Variants in PTBP2 observed in about 807,000 individuals in gnomAD.
PTBP2 encodes the protein polypyrimidine tract binding protein 2.
In PTBP2, 13 loss-of-function variants were observed where a neutral mutation model predicts 61.4. That is an observed-to-expected ratio of 0.21 (90% CI 0.14 to 0.34). The LOEUF (loss-of-function observed/expected upper bound fraction) is 0.34. Ranked by LOEUF, PTBP2 falls within the 10% of genes least tolerant of loss-of-function variation. The pLI, the probability that PTBP2 is intolerant of heterozygous loss-of-function variation, is 1.00. For missense variants in PTBP2, 405 were observed against 642.6 expected (o/e 0.63, Z 4.00); for synonymous variants, 215 against 218.5 (o/e 0.98, Z 0.14).
intron 2 of PTBP2, among the ~76,000 whole-genome samples, chr1:96,750,382 G>A (rs1654383016): frequency 6.7e-6 from 1 of 148,248 alleles, no homozygotes; most frequent in South Asian, 2.1e-4. Flanking sequence ...GAAACTGGTT[G>A]TATTTTTCTG....
chr1:96,723,188 A>C (rs1405492494), intron 1 of PTBP2, among the ~76,000 whole-genome samples: 1 of 152,160 alleles, frequency 6.6e-6, no homozygotes, highest in Non-Finnish European at 1.5e-5. Flanking sequence ...TTGATGTCAA[A>C]ACTTGCACTA....
At chr1:96,800,154 A>G (rs1035814919) in intron 8 of PTBP2, among the ~76,000 whole-genome samples, 3 of 152,156 alleles carry the variant, frequency 2.0e-5, no homozygotes, top group African/African-American at 7.2e-5. Context: ...ATTGGACATA[A>G]TAGATTATCT....
chr1:96,751,142 A>G, intron 2 of PTBP2: 1 of 420,990 alleles, frequency 2.4e-6, no homozygotes, highest in Non-Finnish European at 4.4e-6. Flanking sequence ...TTTGTAAACA[A>G]TTGAGATAGC....
At chr1:96,775,905 A>G (rs1657982919) in intron 5 of PTBP2, among the ~76,000 whole-genome samples, 1 of 152,062 alleles carries the variant, frequency 6.6e-6, no homozygotes, top group Non-Finnish European at 1.5e-5. Context: ...TAAAAGTATG[A>G]ATAGTATTGA....
downstream of PTBP2, chr1:96,817,605 ACTAC>A (rs1355810585): frequency 2.0e-5 from 3 of 152,084 alleles, no homozygotes; most frequent in Non-Finnish European, 2.9e-5. Flanking sequence ...CAACTATATC[ACTAC>A]CTAACATATT....
intron 2 of PTBP2, among the ~76,000 whole-genome samples, chr1:96,732,920 C>A (rs1651630934): frequency 6.6e-6 from 1 of 151,842 alleles, no homozygotes; most frequent in African/African-American, 2.4e-5. Context: ...TAGAAGACCT[C>A]AATTACAGGT....
chr1:96,791,828 T>TTTTTTTGG (rs367588623), intron 8 of PTBP2, among the ~76,000 whole-genome samples: 1 of 75,724 alleles, frequency 1.3e-5, no homozygotes, highest in Admixed American at 1.3e-4. Flanking sequence ...GAGTTGTGCT[T>TTTTTTTGG]TTTTTTTTTT....
At chr1:96,806,563 A>G (rs1219284589) in intron 10 of PTBP2, 111 bp downstream of exon 10, 1 of 1,250,678 alleles carries the variant, frequency 8.0e-7, no homozygotes, top group South Asian at 1.3e-5. Context: ...ATCTTTTGCT[A>G]TTTTTCTTTG....
chr1:96,763,028 G>A (rs1236843099), intron 3 of PTBP2, among the ~76,000 whole-genome samples: 6 of 151,900 alleles, frequency 3.9e-5, no homozygotes, highest in African/African-American at 9.7e-5. Flanking sequence ...GATGGCGGCC[G>A]GGAAGAGGCG....
At chr1:96,801,482 G>A (rs1186494280) in intron 8 of PTBP2, among the ~76,000 whole-genome samples, 1 of 152,088 alleles carries the variant, frequency 6.6e-6, no homozygotes, top group Admixed American at 6.6e-5. Flanking sequence ...AGTGTATTTT[G>A]CCTCTTTTTA....
chr1:96,737,376 G>A (rs1336452744), intron 2 of PTBP2, among the ~76,000 whole-genome samples: 1 of 152,084 alleles, frequency 6.6e-6, no homozygotes, highest in African/African-American at 2.4e-5. Flanking sequence ...AGATAAGCTT[G>A]CATTTTAAAA....
intron 8 of PTBP2, among the ~76,000 whole-genome samples, chr1:96,792,730 T>C (rs1208431420): frequency 6.6e-6 from 1 of 152,168 alleles, no homozygotes; most frequent in African/African-American, 2.4e-5. Flanking sequence ...CGGGTAGATA[T>C]GTAACATGCA....
chr1:96,804,877 G>A lies in PTBP2; in HGVS notation c.982G>A (p.Gly328Ser). ...TGCTGCAGCTGCTGCTGGCCGAGTGGGTATGCCTGGAGTCTCAGCTGGTGG... is the reference window on the plus strand; with the variant it reads ...TGCTGCAGCTGCTGCTGGCCGAGTGAGTATGCCTGGAGTCTCAGCTGGTGG... ...AAAAAAAGRVGMPGVSAGGNT... is the reference protein window; with the variant it reads ...AAAAAAAGRVSMPGVSAGGNT... Residue 328 changes from glycine (G) to serine (S), a missense_variant, in exon 9 of 14, where the codon GGT becomes AGT. Around this residue, in one of 4 missense-constraint regions of PTBP2, gnomAD observed 342 missense variants for 491.2 expected, o/e 0.70. Transcript: ENST00000674951. 6.2e-7 allele frequency: 1 copy of A among 1,611,700 alleles called. No individual in the cohort carries two copies. Among genetic ancestry groups the A allele is most frequent in the Non-Finnish European group, 8.5e-7 (1 of 1,178,740 alleles).
chr1:96,794,958 C>T (rs12024107), intron 8 of PTBP2, among the ~76,000 whole-genome samples: 40,802 of 151,994 alleles, frequency 0.27, 6,890 homozygotes, highest in African/African-American at 0.49. Context: ...CAGTGTTACC[C>T]AGGGAGTATG....
At chr1:96,754,645 A>G (rs1654955054) in intron 3 of PTBP2, among the ~76,000 whole-genome samples, 1 of 152,194 alleles carries the variant, frequency 6.6e-6, no homozygotes, top group African/African-American at 2.4e-5. Flanking sequence ...TAGCATCATA[A>G]TAACATAAAG....
intron 2 of PTBP2, among the ~76,000 whole-genome samples, chr1:96,725,819 C>T (rs1054950020): frequency 6.6e-6 from 1 of 151,822 alleles, no homozygotes; most frequent in Non-Finnish European, 1.5e-5. Context: ...GTGGGTCACA[C>T]CTGTAATCCC....
intron 8 of PTBP2, among the ~76,000 whole-genome samples, chr1:96,785,743 G>A (rs1659144069): frequency 6.6e-6 from 1 of 151,868 alleles, no homozygotes; most frequent in Non-Finnish European, 1.5e-5. Context: ...TATTGTAGTG[G>A]CCTTTTAAAA....
At chr1:96,808,661 T>C (rs1412952448) in intron 11 of PTBP2, among the ~76,000 whole-genome samples, 1 of 152,202 alleles carries the variant, frequency 6.6e-6, no homozygotes, top group Admixed American at 6.5e-5. Context: ...AGTTTTGACT[T>C]GCTAGTAGGG....
At chr1:96,767,932 C>A (rs114415885) in intron 3 of PTBP2, among the ~76,000 whole-genome samples, 2,909 of 152,168 alleles carry the variant, frequency 0.019, 95 homozygotes, top group African/African-American at 0.066. Flanking sequence ...AGAGCTTACT[C>A]TTCTGTACAA....
Sources: allele counts gnomAD v4.1 joint callset (sites outside exome capture counted in the v4.1 genomes callset), GRCh38; gene constraint gnomAD v4.1.1; regional missense constraint gnomAD v4.1.1; transcripts MANE v1.5; gene names NCBI Gene and HGNC (gene_info 2026-07-23, HGNC 2026-07-21).